DNAAF8: variants seen among roughly 807,000 people sequenced by gnomAD.
DNAAF8 encodes dynein axonemal-associated protein 1.
DNAAF8 carries 61 observed loss-of-function variants against 54.6 expected under a neutral mutation model. The ratio of observed to expected loss-of-function variants is 1.12; its 90% CI spans 0.91 to 1.38. The LOEUF is 1.38. Ranked by LOEUF, DNAAF8 falls within the 40% of genes most tolerant of loss-of-function variation. The pLI is 0.00. For synonymous variants in DNAAF8, 320 were observed against 270.1 expected, an observed-to-expected ratio of 1.18 and a Z score of -1.81; for missense variants, 837 against 665.0, an observed-to-expected ratio of 1.26 and a Z score of -2.85.
chr16:4,740,004 A>G (rs1437647935), intron 3 of DNAAF8, 149 bp from the exon 4 acceptor site: 1 of 955,952 alleles, frequency 1.0e-6, no homozygotes, highest in East Asian at 2.6e-5. Context: ...GGCTGCAGTG[A>G]GCTATGATCG....
intron 1 of DNAAF8, among the ~76,000 whole-genome samples, chr16:4,736,141 C>T (rs978554039): frequency 5.3e-5 from 8 of 151,906 alleles, no homozygotes; most frequent in Admixed American, 2.6e-4. Context: ...CATTATATAT[C>T]GTACATATGG....
chr16:4,743,378 G>A (rs1226970361), intron 5 of DNAAF8: 1 of 452,884 alleles, frequency 2.2e-6, no homozygotes, highest in Non-Finnish European at 3.9e-6. Flanking sequence ...GCGTGGGCCA[G>A]GTCCTAGGGA....
At position 4,747,466 on chromosome 16, in the gene DNAAF8, AG is replaced by A. The variant is rs1353208252; in HGVS notation, c.1405del (p.Ala469LeufsTer11). 2 of 1,613,154 alleles carry A rather than the reference AG, an allele frequency of 1.2e-6. No homozygotes were observed. The highest frequency in any genetic ancestry group is 2.7e-5 in the African/African-American group (2 of 74,948). The part of the protein sequence containing the change: ...GGRAQAPEDT[A>X]GSRTGRKQHM... ...GGAGGGCTCAGGCCCCTGAAGACAC[AG>A]CTGGATCACGAACTGGGAGGAAGCA... On this transcript the variant is annotated frameshift_variant, in exon 9 of 10. Coordinates refer to ENST00000299320, the MANE Select transcript of DNAAF8 (RefSeq NM_139170.3). LOFTEE classifies it high-confidence loss of function.
rs1017891510 is a variant in DNAAF8, at chr16:4,747,093, C to A, written c.1280+68C>A. On this transcript the variant is annotated intron_variant, in intron 8 of 9. Transcript: ENST00000299320. ...TCTGCTTTCTGCAGCAAGCCCTCCA[C>A]CTGGCACATTTACCGCCTGTGGTGA... is the stretch of plus-strand genomic sequence containing the variant. 9 of 1,427,786 alleles carry A rather than the reference C, an allele frequency of 6.3e-6. No homozygotes were observed. The African/African-American group carries it at 1.2e-4, about 19-fold the overall frequency. 88.4% of individuals were successfully genotyped at this position (1,427,786 alleles called of 1,614,324 possible).
intron 3 of DNAAF8, among the ~76,000 whole-genome samples, chr16:4,739,632 T>A (rs1490476208): frequency 6.7e-6 from 1 of 149,254 alleles, no homozygotes; most frequent in Non-Finnish European, 1.5e-5. Context: ...CACTGCAGCC[T>A]CCACCTCCCG....
At chr16:4,741,655 C>CTGGG (rs2081962447) in intron 4 of DNAAF8, among the ~76,000 whole-genome samples, 4 of 152,042 alleles carry the variant, frequency 2.6e-5, no homozygotes, top group Non-Finnish European at 5.9e-5. Flanking sequence ...CAAAAATTAG[C>CTGGG]CAAGTGTGGT....
At position 4,746,474 on chromosome 16, in the gene DNAAF8, G is replaced by A. The variant is rs921487003; in HGVS notation, c.1143G>A (p.Leu381=). The part of the protein sequence containing the change: ...NAESPTIFID[L]RQMELPDHLS... ...AGTCCCCCACCATCTTTATTGACCT[G>A]CGGCAGATGGAGCTACCAGACCACC... The change falls in exon 7 of 10, where the codon CTG becomes CTA. Residue 381 remains leucine, a synonymous_variant. Coordinates refer to ENST00000299320, the MANE Select transcript of DNAAF8 (RefSeq NM_139170.3). 3 of 1,613,784 alleles carry A rather than the reference G, an allele frequency of 1.9e-6. No individual in the cohort carries two copies. The highest frequency in any genetic ancestry group is 2.5e-6 in the Non-Finnish European group (3 of 1,180,022).
At chr16:4,736,122 C>T (rs980839820) in intron 1 of DNAAF8, among the ~76,000 whole-genome samples, 3 of 151,998 alleles carry the variant, frequency 2.0e-5, no homozygotes, top group Non-Finnish European at 4.4e-5. Flanking sequence ...ATAAAATATA[C>T]CTATATATCA....
At chr16:4,746,276 TG>T in intron 6 of DNAAF8, 98 bp from the exon 7 acceptor site, 1 of 1,320,222 alleles carries the variant, frequency 7.6e-7, no homozygotes, top group Non-Finnish European at 1.0e-6. Context: ...GGGCACTCAC[TG>T]GGTGGCAGCC....
At chr16:4,738,648 C>T (rs933814981) in intron 3 of DNAAF8, among the ~76,000 whole-genome samples, 1 of 152,100 alleles carries the variant, frequency 6.6e-6, no homozygotes, top group African/African-American at 2.4e-5. Flanking sequence ...TTTAGGAGGC[C>T]AGTATGGGTG....
intron 5 of DNAAF8, 57 bp from the exon 6 acceptor site, chr16:4,744,813 G>T: frequency 1.3e-6 from 2 of 1,563,390 alleles, no homozygotes; most frequent in Non-Finnish European, 1.7e-6. Flanking sequence ...TCCAGCTGCT[G>T]TAAGTCACAA....
intron 3 of DNAAF8, among the ~76,000 whole-genome samples, chr16:4,739,644 G>T (rs1891660195): frequency 6.6e-6 from 1 of 151,028 alleles, no homozygotes; most frequent in African/African-American, 2.4e-5. Flanking sequence ...CACCTCCCGG[G>T]CTGAAGCGAT....
chr16:4,740,631 C>T lies in DNAAF8; in HGVS notation c.755C>T (p.Pro252Leu), dbSNP rs779363634. Residue 252 changes from proline to leucine, a missense_variant, in exon 4 of 10, where the codon CCG becomes CTG. Physicochemically the swap from Pro to Leu is moderately conservative, Grantham distance 98. Transcript: ENST00000299320. ...PRSKMPLVEP[P>L]EGPPVLSLQQ... is the part of the protein sequence containing the mutation. ...TCCAAAATGCCCCTCGTGGAGCCTCCGGAGGGACCACCAGTGCTCTCGCTC... is the reference window on the plus strand; with the variant it reads ...TCCAAAATGCCCCTCGTGGAGCCTCTGGAGGGACCACCAGTGCTCTCGCTC... The T allele has an allele frequency of 6.2e-6, 10 of 1,608,148 alleles. No individual in the cohort carries two copies. In the East Asian group the frequency reaches 8.9e-5, roughly 14 times the overall value.
chr16:4,746,521 G>A lies in DNAAF8; in HGVS notation c.1181+9G>A, dbSNP rs2082019478. ...CACCTGTCCCCAGAAAGGTCCGGAGGGCAGTGACTACCCCATACCAGCCTC... is the reference window on the plus strand; with the variant it reads ...CACCTGTCCCCAGAAAGGTCCGGAGAGCAGTGACTACCCCATACCAGCCTC... On this transcript the variant is annotated intron_variant, in intron 7 of 9. Coordinates refer to ENST00000299320, the MANE Select transcript of DNAAF8 (RefSeq NM_139170.3). 1 of 1,611,710 alleles carries A rather than the reference G, an allele frequency of 6.2e-7. No individual in the cohort carries two copies. Among genetic ancestry groups the A allele is most frequent in the Non-Finnish European group, 8.5e-7 (1 of 1,179,210 alleles).
intron 1 of DNAAF8, chr16:4,735,362 TGC>T (rs2081871882): frequency 6.6e-6 from 1 of 152,032 alleles, no homozygotes; most frequent in Admixed American, 6.5e-5. Flanking sequence ...CAGTTCAGAG[TGC>T]ACCAAGCACC....
At chr16:4,735,682 G>A (rs1299537190) in intron 1 of DNAAF8, among the ~76,000 whole-genome samples, 1 of 151,992 alleles carries the variant, frequency 6.6e-6, no homozygotes, top group Non-Finnish European at 1.5e-5. Context: ...TGTCAGCCAG[G>A]CGCGATGGCA....
At chr16:4,740,058 C>CAAAA (rs111697257) in intron 3 of DNAAF8, 95 bp from the exon 4 acceptor site, 225 of 1,212,950 alleles carry the variant, frequency 1.9e-4, no homozygotes, top group African/African-American at 6.6e-4. Flanking sequence ...GACTTCACCT[C>CAAAA]AAAAAAAAAA....
At position 4,748,892 on chromosome 16, in the gene DNAAF8, G is replaced by A. The variant is rs1419740500; in HGVS notation, c.*177G>A. 1 of 152,340 alleles carries A rather than the reference G, an allele frequency of 6.6e-6. No homozygotes were observed. Among genetic ancestry groups the A allele is most frequent in the East Asian group, 1.9e-4 (1 of 5,200 alleles). 9.4% of individuals were successfully genotyped at this position (152,340 alleles called of 1,614,324 possible). On this transcript the variant is annotated 3_prime_UTR_variant, in exon 10 of 10. Transcript: ENST00000299320. ...CTGCCAGGCCACTGAGGATGGGCAG[G>A]GGTCTCTTCTCATCAAGCCTTGTAC...
intron 4 of DNAAF8, among the ~76,000 whole-genome samples, chr16:4,741,363 G>C (rs1243558006): frequency 6.6e-6 from 1 of 152,074 alleles, no homozygotes; most frequent in Non-Finnish European, 1.5e-5. Context: ...CTAAAATATA[G>C]AACCTGGTTC....
Sources: gnomAD v4.1 joint callset for allele counts (sites outside exome capture counted in the v4.1 genomes callset) on GRCh38, gnomAD v4.1.1 for gene constraint, MANE v1.5 for transcripts, NCBI Gene and HGNC (gene_info 2026-07-23, HGNC 2026-07-21) for gene names.